The following YARS1 variants were observed in gnomAD, a reference collection of about 807,000 sequenced individuals.
The protein encoded by YARS1 is tyrosyl-tRNA synthetase 1.
YARS1 carries 36 observed loss-of-function variants against 62.2 expected under a neutral mutation model. The ratio of observed to expected loss-of-function variants is 0.58; its 90% confidence interval spans 0.44 to 0.76. YARS1 has a LOEUF of 0.76. Ranked by LOEUF, YARS1 falls within the 30% of genes least tolerant of loss-of-function variation. The pLI is 0.00. For synonymous variants in YARS1, 234 were observed against 244.9 expected (o/e 0.96, Z 0.42); for missense variants, 524 against 639.8 (o/e 0.82, Z 1.95).
intron 12 of YARS1, among the ~76,000 whole-genome samples, chr1:32,777,692 T>G (rs1216552556): frequency 2.0e-5 from 3 of 152,158 alleles, no homozygotes; most frequent in Non-Finnish European, 4.4e-5. Context: ...TTTGCAAGGC[T>G]GAGGCGGGAG....
At chr1:32,814,492 C>T (rs1431045155) in intron 1 of YARS1, among the ~76,000 whole-genome samples, 9 of 152,156 alleles carry the variant, frequency 5.9e-5, no homozygotes, top group Admixed American at 5.2e-4. Flanking sequence ...CGGGTTCAAA[C>T]GATTCTCCTG....
rs565587322 is a variant in YARS1, at chr1:32,799,081, G to T, written c.511-1238C>A. Among the ~76,000 whole-genome samples the T allele has an allele frequency of 9.2e-5, 14 of 152,310 alleles. No individual in the cohort carries two copies. In the South Asian group the frequency reaches 2.9e-3, roughly 32 times the overall value. ...ATCTCTATTTAGTAAGATGGGTGTG[G>T]AGAAGTCTTCCTAGAATCAGATTGT... On this transcript the variant is annotated intron_variant, in intron 4 of 12. Coordinates refer to ENST00000373477, the MANE Select transcript of YARS1 (RefSeq NM_003680.4).
At chr1:32,793,793 T>C (rs1294401591) in intron 5 of YARS1, among the ~76,000 whole-genome samples, 1 of 152,192 alleles carries the variant, frequency 6.6e-6, no homozygotes, top group Non-Finnish European at 1.5e-5. Context: ...CAGAAGGCAA[T>C]GCAATGATCC....
rs1003382031 is a variant in YARS1 at position 32,775,639 on chromosome 1, A to T, written c.*342T>A. The stretch of plus-strand genomic sequence containing the variant: ...CAGCTGCTTGGATAACTCCAAGAAA[A>T]CCTGGGCACCAGTATTTTTCCAATT... On this transcript the variant is annotated 3_prime_UTR_variant, in exon 13 of 13. Coordinates refer to ENST00000373477, the MANE Select transcript of YARS1 (RefSeq NM_003680.4). 2 of 294,360 alleles carry T rather than the reference A, an allele frequency of 6.8e-6. No homozygotes were observed. Among genetic ancestry groups the T allele is most frequent in the South Asian group, 9.9e-5 (2 of 20,102 alleles). The allele number at this position is 294,360 out of a possible 1,614,324, so 18.2% of individuals were successfully genotyped here.
Position 32,779,478 on chromosome 1 carries a change from G to A in YARS1, c.1380C>T (p.Gly460=). ...RQVEPLDPPA[G]SAPGEHVFVK... ...CAAACACGTGCTCACCAGGAGCAGAGCCTGCCGGAGGGTCCAGAGGTTCAA... is the reference window on the plus strand; with the variant it reads ...CAAACACGTGCTCACCAGGAGCAGAACCTGCCGGAGGGTCCAGAGGTTCAA... Residue 460 remains glycine, a synonymous_variant, in exon 12 of 13, where the codon GGC becomes GGT. Coordinates refer to ENST00000373477, the MANE Select transcript of YARS1 (RefSeq NM_003680.4). 2 of 1,614,238 alleles carry A rather than the reference G, an allele frequency of 1.2e-6. No homozygotes were observed. Among genetic ancestry groups the A allele is most frequent in the Non-Finnish European group, 1.7e-6 (2 of 1,180,042 alleles).
intron 6 of YARS1, among the ~76,000 whole-genome samples, chr1:32,788,719 C>T (rs1156578273): frequency 1.3e-5 from 2 of 152,030 alleles, no homozygotes; most frequent in Non-Finnish European, 2.9e-5. Context: ...GCGTGAGCCA[C>T]CGCACCTGGC....
At chr1:32,816,363 A>G (rs1200451154) in intron 1 of YARS1, among the ~76,000 whole-genome samples, 1 of 152,200 alleles carries the variant, frequency 6.6e-6, no homozygotes, top group Non-Finnish European at 1.5e-5. Flanking sequence ...TCTTAAACAA[A>G]TAAATAAAAT....
chr1:32,792,171 G>A (rs1245864499), intron 5 of YARS1, among the ~76,000 whole-genome samples: 2 of 152,190 alleles, frequency 1.3e-5, no homozygotes, highest in Non-Finnish European at 2.9e-5. Flanking sequence ...TTTGGAGGCT[G>A]CACAGTATTG....
intron 5 of YARS1, among the ~76,000 whole-genome samples, chr1:32,795,623 T>C (rs1030441142): frequency 6.6e-6 from 1 of 151,174 alleles, no homozygotes; most frequent in African/African-American, 2.4e-5. Context: ...CTGGCCAACA[T>C]GGTGAAACCC....
chr1:32,786,298 A>C, intron 8 of YARS1, 64 bp downstream of exon 8: 4 of 1,521,574 alleles, frequency 2.6e-6, no homozygotes, highest in Non-Finnish European at 3.6e-6. Context: ...ACAAGTTCTA[A>C]CAGTCAGCAA....
intron 8 of YARS1, among the ~76,000 whole-genome samples, chr1:32,783,977 A>T (rs1402308058): frequency 4.0e-5 from 6 of 151,814 alleles, no homozygotes; most frequent in African/African-American, 1.5e-4. Flanking sequence ...TTTTCTGAGG[A>T]ATTTCATCTA....
At chr1:32,803,734 T>C (rs1638366409) in intron 4 of YARS1, among the ~76,000 whole-genome samples, 1 of 152,142 alleles carries the variant, frequency 6.6e-6, no homozygotes, top group African/African-American at 2.4e-5. Flanking sequence ...TGCTTCACCT[T>C]GCACTTTTTT....
intron 8 of YARS1, 145 bp downstream of exon 8, chr1:32,786,217 A>C (rs1006798643): frequency 7.7e-6 from 6 of 779,958 alleles, no homozygotes; most frequent in Middle Eastern, 2.7e-4. Flanking sequence ...GAAAATGGAC[A>C]CTAGTGAGAT....
chr1:32,802,229 G>A (rs2148612527), intron 4 of YARS1, among the ~76,000 whole-genome samples: 1 of 152,202 alleles, frequency 6.6e-6, no homozygotes, highest in African/African-American at 2.4e-5. Context: ...TGACAGGCGT[G>A]AGCCACCGCG....
At chr1:32,780,837 C>G (rs958749375) in intron 10 of YARS1, 5 of 620,310 alleles carry the variant, frequency 8.1e-6, no homozygotes, top group Non-Finnish European at 1.2e-5. Context: ...ATCCGTCCCC[C>G]ATGCTGAGTT....
chr1:32,778,764 GTTTCAC>G (rs1191236338), intron 12 of YARS1, among the ~76,000 whole-genome samples: 1 of 135,760 alleles, frequency 7.4e-6, no homozygotes, highest in Non-Finnish European at 1.5e-5. Context: ...TTGAGACGGA[GTTTCAC>G]TCTTGTTGCC....
At chr1:32,814,069 C>A (rs1638643198) in intron 1 of YARS1, among the ~76,000 whole-genome samples, 1 of 152,188 alleles carries the variant, frequency 6.6e-6, no homozygotes, top group Non-Finnish European at 1.5e-5. Flanking sequence ...ACTCCCAAAT[C>A]TCCTGCTTAC....
chr1:32,776,919 A>G lies in YARS1; in HGVS notation c.1477-828T>C, dbSNP rs1490370826. ...GAGGAGGAGGTTGTGGCGGGCCGAG[A>G]TCACGCCACCACACTCCAGCCTGGG... On this transcript the variant is annotated intron_variant, in intron 12 of 12. Transcript: ENST00000373477. The surrounding 1 kb of genome is among the most constrained non-coding windows in gnomAD (Gnocchi z 4.0). 2.0e-5 allele frequency among the ~76,000 whole-genome samples: 3 copies of G among 151,766 alleles called. No individual in the cohort carries two copies. The highest frequency in any genetic ancestry group is 4.4e-5 in the Non-Finnish European group (3 of 67,940).
intron 5 of YARS1, among the ~76,000 whole-genome samples, chr1:32,794,285 T>C (rs779286969): frequency 1.4e-4 from 22 of 152,010 alleles, no homozygotes; most frequent in Non-Finnish European, 2.8e-4. Flanking sequence ...GGGAGACGGA[T>C]GTTGCAGTGA....
Sources: allele counts gnomAD v4.1 joint callset (sites outside exome capture counted in the v4.1 genomes callset), GRCh38; gene constraint gnomAD v4.1.1; non-coding constraint Gnocchi (gnomAD v3.1); transcripts MANE v1.5; gene names NCBI Gene and HGNC (gene_info 2026-07-23, HGNC 2026-07-21).